The following SNX31 variants were observed in gnomAD, a reference collection of about 807,000 sequenced individuals.
The protein encoded by SNX31 is sorting nexin 31, also known as sorting nexin-31.
In SNX31, 58 loss-of-function variants were observed where a neutral mutation model predicts 65.4. The ratio of observed to expected loss-of-function variants is 0.89; its 90% confidence interval spans 0.72 to 1.10. The LOEUF is 1.10. Among genes scored for constraint, SNX31 ranks in the 50% least tolerant of loss-of-function variants. SNX31 has a pLI of 0.00. For synonymous variants in SNX31, 181 were observed against 190.1 expected (o/e 0.95, Z 0.39); for missense variants, 523 against 529.7 (o/e 0.99, Z 0.12).
Position 100,649,619 on chromosome 8 carries a change from G to A in SNX31, c.-105C>T. Reference sequence around the variant, plus strand: ...GTGGACGCAGCGCGGCCTGCCACGCGACTCAGAGCGAACCCCGGCGCCCGC... The same window carrying A: ...GTGGACGCAGCGCGGCCTGCCACGCAACTCAGAGCGAACCCCGGCGCCCGC... On this transcript the variant is annotated 5_prime_UTR_variant, in exon 1 of 14. Transcript: ENST00000311812. The A allele has an allele frequency of 8.8e-7, 1 of 1,137,396 alleles. No individual in the cohort carries two copies. Among genetic ancestry groups the A allele is most frequent in the Non-Finnish European group, 1.2e-6 (1 of 807,118 alleles). 70.5% of individuals were successfully genotyped at this position (1,137,396 alleles called of 1,614,324 possible).
intron 8 of SNX31, among the ~76,000 whole-genome samples, chr8:100,603,048 C>A (rs994244013): frequency 6.6e-6 from 1 of 152,096 alleles, no homozygotes; most frequent in African/African-American, 2.4e-5. Context: ...GGAGTTAGAG[C>A]AAACCCAGGT....
intron 1 of SNX31, among the ~76,000 whole-genome samples, chr8:100,658,431 G>A (rs1426087238): frequency 1.3e-5 from 2 of 152,226 alleles, no homozygotes; most frequent in South Asian, 2.1e-4. Flanking sequence ...CCTACTGAGC[G>A]ACAGTGAGTG....
chr8:100,659,462 T>C (rs1402969922), intron 1 of SNX31, among the ~76,000 whole-genome samples: 2 of 151,966 alleles, frequency 1.3e-5, no homozygotes, highest in African/African-American at 4.8e-5. Flanking sequence ...TGTACGGGTC[T>C]CAGAGACAGA....
chr8:100,599,956 G>A (rs1413508153), intron 9 of SNX31, among the ~76,000 whole-genome samples: 1 of 152,188 alleles, frequency 6.6e-6, no homozygotes, highest in Non-Finnish European at 1.5e-5. Context: ...ATTATACACA[G>A]CCCTGGGCCT....
intron 2 of SNX31, among the ~76,000 whole-genome samples, chr8:100,644,612 A>G (rs1262574534): frequency 6.6e-6 from 1 of 152,202 alleles, no homozygotes; most frequent in Non-Finnish European, 1.5e-5. Flanking sequence ...GGCGCAGGTC[A>G]CAGCAGAGCC....
rs1452434555 is a variant in SNX31 at position 100,588,299 on chromosome 8, G to T, written c.1092+567C>A. Among the ~76,000 whole-genome samples, 1 of 152,158 alleles carries T rather than the reference G, an allele frequency of 6.6e-6. No homozygotes were observed. Among genetic ancestry groups the T allele is most frequent in the Non-Finnish European group, 1.5e-5 (1 of 68,026 alleles). Reference sequence around the variant, plus strand: ...CTGGTGCTAAGCATTTGGGATAAGGGATACTCAACCAGTGGCTTTTTATCT... The same window carrying T: ...CTGGTGCTAAGCATTTGGGATAAGGTATACTCAACCAGTGGCTTTTTATCT... On this transcript the variant is annotated intron_variant, in intron 11 of 13. Transcript: ENST00000311812. The surrounding 1 kb of genome is among the most constrained non-coding windows in gnomAD (Gnocchi z 4.8).
At chr8:100,649,180 T>C in intron 2 of SNX31, 94 bp downstream of exon 2, 2 of 1,261,624 alleles carry the variant, frequency 1.6e-6, no homozygotes, top group Non-Finnish European at 2.3e-6. Context: ...AAAGGCCCAG[T>C]GTCTTGCCAG....
chr8:100,581,321 A>ATATATATATATCTATATCTATC (rs1415445195), intron 12 of SNX31, among the ~76,000 whole-genome samples: 8 of 123,498 alleles, frequency 6.5e-5, no homozygotes, highest in African/African-American at 3.6e-4. Context: ...TTATATATCT[A>ATATATATATATCTATATCTATC]TATCTATCTA....
Position 100,582,907 on chromosome 8 carries a change from C to T in SNX31, c.1170+1204G>A, listed in dbSNP as rs575406748. On this transcript the variant is annotated intron_variant, in intron 12 of 13. Coordinates refer to ENST00000311812, the MANE Select transcript of SNX31 (RefSeq NM_152628.4). ...CTGAGGCAAGAGAATGGTGTGAACCCGGAAGGCGGAGCTTGCAGTGAGCTG... is the reference window on the plus strand; with the variant it reads ...CTGAGGCAAGAGAATGGTGTGAACCTGGAAGGCGGAGCTTGCAGTGAGCTG... 4.4e-3 allele frequency among the ~76,000 whole-genome samples: 669 copies of T among 151,046 alleles called. 6 individuals are homozygous for T. The highest frequency in any genetic ancestry group is 0.015 in the African/African-American group (629 of 41,230).
intron 10 of SNX31, among the ~76,000 whole-genome samples, chr8:100,592,201 A>T (rs2469660): frequency 0.55 from 83,259 of 152,028 alleles, 26,547 homozygotes; most frequent in African/African-American, 0.89. Context: ...TGGAGAAAAA[A>T]AGTAGCATGA....
At chr8:100,649,187 C>T in intron 2 of SNX31, 87 bp downstream of exon 2, 3 of 1,359,558 alleles carry the variant, frequency 2.2e-6, no homozygotes, top group Non-Finnish European at 3.1e-6. Flanking sequence ...CAGTGTCTTG[C>T]CAGAGTCAGA....
chr8:100,600,473 T>G (rs182066655), intron 8 of SNX31, 32 bp from the exon 9 acceptor site: 1 of 1,568,680 alleles, frequency 6.4e-7, no homozygotes, highest in Non-Finnish European at 8.7e-7. Context: ...AAATTAGCAG[T>G]CTTAGCAGAA....
At chr8:100,602,375 G>T (rs1586910664) in intron 8 of SNX31, among the ~76,000 whole-genome samples, 1 of 152,158 alleles carries the variant, frequency 6.6e-6, no homozygotes, top group East Asian at 1.9e-4. Context: ...ACTTGTTTTA[G>T]ATCGACTTTA....
upstream of SNX31, among the ~76,000 whole-genome samples, chr8:100,651,356 G>T (rs561842573): frequency 6.6e-6 from 1 of 152,282 alleles, no homozygotes; most frequent in South Asian, 2.1e-4. Context: ...AATCTGGTCT[G>T]ATCTTCAGGG....
chr8:100,601,090 T>C lies in SNX31; in HGVS notation c.682-649A>G, dbSNP rs1344648572. ...TATTGGAAAAAATATATTGATAAGG[T>C]CATTACTGCTATTGCTTATAGCAAT... On this transcript the variant is annotated intron_variant, in intron 8 of 13. Coordinates refer to ENST00000311812, the MANE Select transcript of SNX31 (RefSeq NM_152628.4). Among the ~76,000 whole-genome samples, 3 of 152,276 alleles carry C rather than the reference T, an allele frequency of 2.0e-5. No individual in the cohort carries two copies. In the East Asian group the frequency reaches 5.8e-4, roughly 29 times the overall value.
At chr8:100,593,617 C>A (rs1814791160) in intron 10 of SNX31, among the ~76,000 whole-genome samples, 1 of 151,970 alleles carries the variant, frequency 6.6e-6, no homozygotes, top group African/African-American at 2.4e-5. Flanking sequence ...CCACGCCCAG[C>A]TAATTTTTGT....
At chr8:100,646,874 G>T (rs546745073) in intron 2 of SNX31, among the ~76,000 whole-genome samples, 2 of 152,280 alleles carry the variant, frequency 1.3e-5, no homozygotes, top group South Asian at 2.1e-4. Context: ...ACGTTAGAAA[G>T]AAATCACATT....
At chr8:100,615,917 C>A (rs1254925395) in intron 5 of SNX31, among the ~76,000 whole-genome samples, 6 of 151,974 alleles carry the variant, frequency 3.9e-5, no homozygotes, top group South Asian at 2.1e-4. Context: ...CTACAGGCAC[C>A]CGCCACCACG....
In SNX31 at chr8:100,614,748, C is replaced by T. The variant is rs533658479; in HGVS notation, c.433-1663G>A. On this transcript the variant is annotated intron_variant, in intron 5 of 13. Coordinates refer to ENST00000311812, the MANE Select transcript of SNX31 (RefSeq NM_152628.4). The surrounding 1 kb of genome is among the most constrained non-coding windows in gnomAD (Gnocchi z 5.1). ...TACAAAAATTAGCTGGGTATGGTGG[C>T]ACGTGCTTGTAATCCCAGCTACTCA... Among the ~76,000 whole-genome samples the T allele has an allele frequency of 3.2e-4, 49 of 152,098 alleles. No individual in the cohort carries two copies. Among genetic ancestry groups the T allele is most frequent in the Non-Finnish European group, 6.0e-4 (41 of 68,012 alleles).
Sources: gnomAD v4.1 joint callset for allele counts (sites outside exome capture counted in the v4.1 genomes callset) on GRCh38, gnomAD v4.1.1 for gene constraint, Gnocchi (gnomAD v3.1) non-coding constraint, MANE v1.5 for transcripts, NCBI Gene and HGNC (gene_info 2026-07-23, HGNC 2026-07-21) for gene names.